NCAPG: variants seen among roughly 807,000 people sequenced by gnomAD.
NCAPG encodes condensin complex subunit 3.
Under a neutral mutation model 113.1 loss-of-function variants are expected in NCAPG, and 69 were observed. The ratio of observed to expected loss-of-function variants is 0.61; its 90% CI spans 0.50 to 0.75. NCAPG has a LOEUF of 0.75. Ranked by LOEUF, NCAPG falls within the 30% of genes least tolerant of loss-of-function variation. NCAPG has a pLI of 0.00. For synonymous variants in NCAPG, 370 were observed against 415.8 expected (o/e 0.89, Z 1.34); for missense variants, 1,058 against 1,177.0 (o/e 0.90, Z 1.48).
chr4:17,825,553 A>G lies in NCAPG; in HGVS notation c.1645A>G (p.Ile549Val). Residue 549 changes from isoleucine to valine, a missense_variant, in exon 11 of 21, where the codon ATA becomes GTA. Ile to Val is a conservative substitution (Grantham distance 29, BLOSUM62 3). Transcript: ENST00000251496. ...TEQLEIKEVHIEKNDAETLQK... is the reference protein window; with the variant it reads ...TEQLEIKEVHVEKNDAETLQK... ...GCAACTTGAAATTAAAGAAGTCCAC[A>G]TAGAGAAGGTACAGGTAACTTTTTT... is the stretch of plus-strand genomic sequence containing the variant. 1 of 1,591,446 alleles carries G rather than the reference A, an allele frequency of 6.3e-7. No homozygotes were observed. The highest frequency in any genetic ancestry group is 8.5e-7 in the Non-Finnish European group (1 of 1,174,170).
At position 17,843,057 on chromosome 4, in the gene NCAPG, C is replaced by T. The variant is rs114346648; in HGVS notation, c.2925-245C>T. ...CATTACAAGTTTGTGGCTTTTTTTC[C>T]TGTATAACACCAGGTTCTGTTATAG... is the stretch of plus-strand genomic sequence containing the variant. On this transcript the variant is annotated intron_variant, in intron 20 of 20. Transcript: ENST00000251496. The T allele has an allele frequency of 1.7e-3, 453 of 265,664 alleles. 4 individuals carry two copies. Among genetic ancestry groups the T allele is most frequent in the African/African-American group, 9.4e-3 (426 of 45,186 alleles). The allele number at this position is 265,664 out of a possible 1,614,324, so 16.5% of individuals were successfully genotyped here.
chr4:17,834,346 A>T lies in NCAPG; in HGVS notation c.1932A>T (p.Ala644=). The change falls in exon 14 of 21, where the codon GCA becomes GCT. Residue 644 remains alanine (A), a synonymous_variant. Transcript: ENST00000251496. ...DVTIKISALK[A]IFDQLMTFGI... is the part of the protein sequence containing the mutation. ...CAATAAAAATAAGTGCTTTAAAGGC[A>T]ATCTTTGACCAACTGATGACGTTCG... The T allele has an allele frequency of 6.2e-7, 1 of 1,605,630 alleles. No homozygotes were observed. Among genetic ancestry groups the T allele is most frequent in the South Asian group, 1.1e-5 (1 of 89,666 alleles).
chr4:17,839,781 G>C lies in NCAPG; in HGVS notation c.2572G>C (p.Glu858Gln), dbSNP rs140475750. The C allele has an allele frequency of 1.1e-5, 18 of 1,587,026 alleles. No individual in the cohort carries two copies. Among genetic ancestry groups the C allele is most frequent in the Admixed American group, 4.0e-5 (2 of 50,138 alleles). ...CTATACAAAAGCCTTGAGTTCTTTA[G>C]AACTCAGTAGCCATCTTGCAAAAGA... Reference protein sequence around the residue: ...RVYTKALSSLELSSHLAKDLL... With the variant: ...RVYTKALSSLQLSSHLAKDLL... The change falls in exon 17 of 21, where the codon GAA becomes CAA. Residue 858 changes from glutamate to glutamine, a missense_variant. Transcript: ENST00000251496.
At chr4:17,815,782 C>A (rs988295400) in intron 5 of NCAPG, among the ~76,000 whole-genome samples, 1 of 152,128 alleles carries the variant, frequency 6.6e-6, no homozygotes, top group Admixed American at 6.5e-5. Context: ...CTTCAGCCTC[C>A]CAAAGTGTTG....
intron 3 of NCAPG, 64 bp downstream of exon 3, chr4:17,813,209 A>T: frequency 7.4e-7 from 1 of 1,342,614 alleles, no homozygotes; most frequent in Non-Finnish European, 1.0e-6. Context: ...CAGTATTTGA[A>T]ATTTTTTATT....
intron 20 of NCAPG, 94 bp from the exon 21 acceptor site, chr4:17,843,208 A>AT: frequency 7.3e-7 from 1 of 1,371,432 alleles, no homozygotes; most frequent in Non-Finnish European, 1.0e-6. Context: ...TTAAACACTG[A>AT]TAGAATGTGA....
At chr4:17,837,397 C>A in intron 15 of NCAPG, 57 bp downstream of exon 15, 1 of 1,451,406 alleles carries the variant, frequency 6.9e-7, no homozygotes, top group Non-Finnish European at 9.4e-7. Flanking sequence ...TCAAGTCCCC[C>A]ATGAATTATA....
Position 17,812,245 on chromosome 4 carries a change from G to A in NCAPG, c.136G>A (p.Glu46Lys), listed in dbSNP as rs1170574849. The A allele has an allele frequency of 1.2e-6, 2 of 1,612,792 alleles. No individual in the cohort carries two copies. Among genetic ancestry groups the A allele is most frequent in the South Asian group, 2.2e-5 (2 of 90,784 alleles). The change falls in exon 2 of 21, where the codon GAG becomes AAG. Residue 46 changes from glutamate to lysine, a missense_variant. Glu to Lys is a moderately conservative substitution (Grantham distance 56, BLOSUM62 1). Transcript: ENST00000251496. ...GATGGATGATAAGACAGTTTTTCAT[G>A]AGGAGTTCATTCATTACCTTAAATA... is the stretch of plus-strand genomic sequence containing the variant. The part of the protein sequence containing the change: ...RTMDDKTVFH[E>K]EFIHYLKYVM...
intron 7 of NCAPG, among the ~76,000 whole-genome samples, chr4:17,818,942 T>G (rs1721333218): frequency 6.6e-6 from 1 of 152,232 alleles, no homozygotes; most frequent in South Asian, 2.1e-4. Flanking sequence ...ACTTCCTCAA[T>G]CCCATTGATT....
chr4:17,827,342 CTGT>C (rs1395197557), intron 11 of NCAPG, among the ~76,000 whole-genome samples: 12 of 152,188 alleles, frequency 7.9e-5, no homozygotes, highest in African/African-American at 2.4e-5. Flanking sequence ...TCTCAGATCA[CTGT>C]TGTTTAGGAA....
intron 13 of NCAPG, among the ~76,000 whole-genome samples, chr4:17,832,017 G>A (rs917618303): frequency 1.1e-4 from 17 of 152,150 alleles, no homozygotes; most frequent in Non-Finnish European, 2.2e-4. Flanking sequence ...CTTTGCTTTT[G>A]TAGTGTGAAG....
rs1410650578 is a variant in NCAPG at position 17,811,222 on chromosome 4, C to G, written c.111+34C>G. On this transcript the variant is annotated intron_variant, in intron 1 of 20. Transcript: ENST00000251496. This position sits in a 1 kb window ranked among gnomAD's most constrained non-coding sequence, Gnocchi z 5.3. Reference sequence around the variant, plus strand: ...TCCCGGCCCCGGCCGCCGCCTCTCGCCCGCCCCGGCCCACCCTCCCTCAGG... The same window carrying G: ...TCCCGGCCCCGGCCGCCGCCTCTCGGCCGCCCCGGCCCACCCTCCCTCAGG... The G allele has an allele frequency of 7.5e-7, 1 of 1,342,174 alleles. No individual in the cohort carries two copies. The highest frequency in any genetic ancestry group is 3.0e-5 in the East Asian group (1 of 33,630). 83.1% of individuals were successfully genotyped at this position (1,342,174 alleles called of 1,614,324 possible).
rs1189777061 is a variant in NCAPG at position 17,844,624 on chromosome 4, G to A, written c.*1199G>A. 6.6e-6 allele frequency: 1 copy of A among 152,354 alleles called. No homozygotes were observed. Among genetic ancestry groups the A allele is most frequent in the East Asian group, 1.9e-4 (1 of 5,196 alleles). 9.4% of individuals were successfully genotyped at this position (152,354 alleles called of 1,614,324 possible). ...TCTTCATTCTGTTTGTTGGCTCTGT[G>A]TTCTCCTGTGCTTCAGATTCCTTAT... On this transcript the variant is annotated 3_prime_UTR_variant, in exon 21 of 21. Coordinates refer to ENST00000251496, the MANE Select transcript of NCAPG (RefSeq NM_022346.5).
intron 11 of NCAPG, 91 bp from the exon 12 acceptor site, chr4:17,828,187 C>T (rs1011154974): frequency 2.8e-6 from 2 of 727,086 alleles, no homozygotes; most frequent in Non-Finnish European, 2.3e-6. Flanking sequence ...TATAGAGTGA[C>T]AGTATGCCCT....
chr4:17,816,988 C>G (rs1434223844), intron 5 of NCAPG, among the ~76,000 whole-genome samples: 2 of 152,152 alleles, frequency 1.3e-5, no homozygotes, highest in African/African-American at 4.8e-5. Context: ...TGGCGCATGC[C>G]TGTAGTCCCA....
At chr4:17,816,154 G>A (rs1490702308) in intron 5 of NCAPG, among the ~76,000 whole-genome samples, 1 of 151,940 alleles carries the variant, frequency 6.6e-6, no homozygotes, top group African/African-American at 2.4e-5. Flanking sequence ...ACAGAGGGCG[G>A]GCTGGATGGT....
At chr4:17,817,568 T>G in intron 6 of NCAPG, 115 bp downstream of exon 6, 1 of 819,158 alleles carries the variant, frequency 1.2e-6, no homozygotes, top group South Asian at 1.9e-5. Flanking sequence ...TTAACTCTCT[T>G]TTGTTTTCTT....
chr4:17,826,409 A>T (rs1721657870), intron 11 of NCAPG, among the ~76,000 whole-genome samples: 1 of 152,126 alleles, frequency 6.6e-6, no homozygotes. Context: ...AGCCATAGAC[A>T]TCCCAACTCC....
chr4:17,826,144 T>TC (rs1227408897), intron 11 of NCAPG, among the ~76,000 whole-genome samples: 1 of 152,004 alleles, frequency 6.6e-6, no homozygotes, highest in African/African-American at 2.4e-5. Context: ...AGTATGTCTT[T>TC]CCTTCTGAAA....
Sources: gnomAD v4.1 joint callset for allele counts (sites outside exome capture counted in the v4.1 genomes callset) on GRCh38, gnomAD v4.1.1 for gene constraint, Gnocchi (gnomAD v3.1) non-coding constraint, MANE v1.5 for transcripts, NCBI Gene and HGNC (gene_info 2026-07-23, HGNC 2026-07-21) for gene names.